Variants in PDXDC1 observed in about 807,000 individuals in gnomAD.
The protein encoded by PDXDC1 is pyridoxal dependent decarboxylase domain containing 1, also known as pyridoxal-dependent decarboxylase domain-containing protein 1.
In PDXDC1, 42 loss-of-function variants were observed where a neutral mutation model predicts 100.1. That is an observed-to-expected ratio of 0.42 (90% CI 0.33 to 0.54). The LOEUF (loss-of-function observed/expected upper bound fraction) is 0.54, where lower values mean the gene tolerates loss of function less well. Ranked by LOEUF, PDXDC1 falls within the 20% of genes least tolerant of loss-of-function variation. The probability of loss-of-function intolerance (pLI) is 0.10; values close to 1 mark genes in which losing one functional copy is unlikely to be tolerated. For synonymous variants in PDXDC1, 260 were observed against 371.7 expected (o/e 0.70, Z 3.46); for missense variants, 636 against 979.2 (o/e 0.65, Z 4.68).
At chr16:15,135,602 G>A in intron 16 of PDXDC1, 8 of 1,433,952 alleles carry the variant, frequency 5.6e-6, no homozygotes, top group African/African-American at 2.8e-5. Context: ...GGGCTCATGG[G>A]TGTGGACGGG....
chr16:15,032,274 A>G (rs1260579116), intron 17 of PDXDC1: 6 of 232,412 alleles, frequency 2.6e-5, no homozygotes, highest in Admixed American at 4.9e-5. Flanking sequence ...GTGCAGTCCT[A>G]TGGCTGCTTT....
At position 15,132,622 on chromosome 16, in the gene PDXDC1, G is replaced by A. The variant is rs1598259666; in HGVS notation, c.1400-6257G>A. On this transcript the variant is annotated intron_variant, in intron 16 of 16. Transcript: ENST00000535621. ...ATGGCATGAAGGAGCCCAGGCTGGA[G>A]GCTCAGCTCCTCGGCCAAGCTGCCC... 9.0e-6 allele frequency: 7 copies of A among 778,232 alleles called. No homozygotes were observed. The East Asian group carries it at 1.3e-4, about 15-fold the overall frequency. 48.2% of individuals were successfully genotyped at this position (778,232 alleles called of 1,614,324 possible).
chr16:15,100,322 C>A (rs1225944426), intron 16 of PDXDC1, among the ~76,000 whole-genome samples: 3 of 152,148 alleles, frequency 2.0e-5, no homozygotes, highest in Non-Finnish European at 2.9e-5. Flanking sequence ...CATTCATTAA[C>A]ACAAATGCAA....
chr16:15,036,258 C>T lies in PDXDC1; in HGVS notation c.2350C>T (p.Pro784Ser). The T allele has an allele frequency of 6.2e-7, 1 of 1,613,768 alleles. No individual in the cohort carries two copies. The highest frequency in any genetic ancestry group is 8.5e-7 in the Non-Finnish European group (1 of 1,179,778). The stretch of plus-strand genomic sequence containing the variant: ...AGATGACCACTCACAGGTAGAAGGA[C>T]CGGAGAGCTTAAGATGAGACTCATT... The part of the protein sequence containing the change: ...PEDDHSQVEG[P>S]ESLR Residue 784 changes from proline (P) to serine (S), a missense_variant, in exon 23 of 23, where the codon CCG becomes TCG. Pro to Ser is a moderately conservative substitution (Grantham distance 74, BLOSUM62 -1). Transcript: ENST00000396410.
chr16:15,012,101 A>G (rs1450381146), intron 8 of PDXDC1, among the ~76,000 whole-genome samples: 1 of 152,222 alleles, frequency 6.6e-6, no homozygotes. Context: ...GACACAAGCA[A>G]TACAATTTTT....
intron 16 of PDXDC1, 40 bp downstream of exon 16, chr16:15,030,096 G>C: frequency 1.3e-6 from 2 of 1,523,048 alleles, no homozygotes; most frequent in Non-Finnish European, 8.9e-7. Flanking sequence ...TTTTGTTCTG[G>C]GGCTGCTGGG....
the PDXDC1 span, among the ~76,000 whole-genome samples, chr16:15,150,077 G>C: frequency 1.3e-5 from 2 of 152,016 alleles, no homozygotes; most frequent in Non-Finnish European, 2.9e-5. Flanking sequence ...ACAGGCGGTG[G>C]CTCAAGCCTG....
intron 16 of PDXDC1, among the ~76,000 whole-genome samples, chr16:15,104,078 A>G (rs1291204673): frequency 2.3e-4 from 9 of 38,964 alleles, no homozygotes; most frequent in Non-Finnish European, 2.0e-4. Flanking sequence ...AGGCTGGGGC[A>G]GGAGGATTGC....
rs1966568776 is a variant in PDXDC1 at position 14,975,029 on chromosome 16, T to TC, written c.-170dup. 3.9e-6 allele frequency: 6 copies of TC among 1,531,134 alleles called. No homozygotes were observed. The highest frequency in any genetic ancestry group is 5.2e-6 in the Non-Finnish European group (6 of 1,144,462). The allele number at this position is 1,531,134 out of a possible 1,614,324, so 94.8% of individuals were successfully genotyped here. On this transcript the variant is annotated 5_prime_UTR_variant, in exon 1 of 23. Coordinates refer to ENST00000396410, the MANE Select transcript of PDXDC1 (RefSeq NM_015027.4). ...CTACGGGGCCCCGCCCCGCCGCCTC[T>TC]CAACCATCAGGTTCGGCAGCCCGCG...
intron 1 of PDXDC1, among the ~76,000 whole-genome samples, chr16:14,996,941 T>TGATCTTACCAAAGACCAAGTTGTCCA (rs1972105876): frequency 6.6e-6 from 1 of 152,294 alleles, no homozygotes; most frequent in Non-Finnish European, 1.5e-5. Context: ...TTATCATAAG[T>TGATCTTACCAAAGACCAAGTTGTCCA]GATCTTACCA....
At chr16:15,127,813 A>G (rs2047824156) in intron 16 of PDXDC1, 2 of 1,561,696 alleles carry the variant, frequency 1.3e-6, no homozygotes, top group South Asian at 2.3e-5. Flanking sequence ...CCGGTCCCAT[A>G]TGGAGAGCCA....
intron 3 of PDXDC1, among the ~76,000 whole-genome samples, chr16:14,998,870 C>T (rs532148225): frequency 3.6e-4 from 55 of 152,372 alleles, no homozygotes; most frequent in South Asian, 8.3e-4. Flanking sequence ...ACTGAAGTGT[C>T]GTTGGCTGGT....
chr16:15,096,689 T>G (rs1367687071), intron 16 of PDXDC1, among the ~76,000 whole-genome samples: 1 of 152,254 alleles, frequency 6.6e-6, no homozygotes, highest in Non-Finnish European at 1.5e-5. Context: ...CTGTTTTGTT[T>G]TGTTTTGGTT....
At chr16:14,982,793 T>G (rs1363642678) in intron 1 of PDXDC1, among the ~76,000 whole-genome samples, 1 of 152,272 alleles carries the variant, frequency 6.6e-6, no homozygotes, top group Non-Finnish European at 1.5e-5. Flanking sequence ...GTGTGTGGTG[T>G]TTGGGGAACT....
chr16:15,140,810 CCAG>C (rs1012231643), downstream of PDXDC1, among the ~76,000 whole-genome samples: 45 of 152,238 alleles, frequency 3.0e-4, no homozygotes, highest in East Asian at 1.2e-3. Context: ...CCACGCACTC[CCAG>C]TAGTGCTCCT....
chr16:15,037,970 T>G lies in PDXDC1; in HGVS notation c.*1695T>G, dbSNP rs1232689467. On this transcript the variant is annotated 3_prime_UTR_variant, in exon 23 of 23. Transcript: ENST00000396410. Reference sequence around the variant, plus strand: ...GATGTAGGATCCAGATCTGGATTCGTGCCAGCCCCACCAATGGTCTGTCAG... The same window carrying G: ...GATGTAGGATCCAGATCTGGATTCGGGCCAGCCCCACCAATGGTCTGTCAG... 2 of 1,290,532 alleles carry G rather than the reference T, an allele frequency of 1.5e-6. No individual in the cohort carries two copies. Among genetic ancestry groups the G allele is most frequent in the African/African-American group, 2.9e-5 (2 of 68,180 alleles). The allele number at this position is 1,290,532 out of a possible 1,614,324, so 79.9% of individuals were successfully genotyped here.
At chr16:14,989,982 G>T in intron 1 of PDXDC1, 2 of 1,461,120 alleles carry the variant, frequency 1.4e-6, no homozygotes, top group Non-Finnish European at 1.8e-6. Flanking sequence ...AGACGGCTCG[G>T]TGGCGCCCGG....
Position 15,128,766 on chromosome 16 carries a change from C to G in PDXDC1, c.1400-10113C>G, listed in dbSNP as rs551782541. Among the ~76,000 whole-genome samples, 283 of 152,078 alleles carry G rather than the reference C, an allele frequency of 1.9e-3. 1 individual carries two copies. Among genetic ancestry groups the G allele is most frequent in the Non-Finnish European group, 2.1e-3 (145 of 68,006 alleles). ...CATGCATAGACTGCAAAGCGTGAAG[C>G]TGTGTCACCTCCTCTCCCAGTGACA... On this transcript the variant is annotated intron_variant, in intron 16 of 16. Transcript: ENST00000535621.
chr16:15,031,872 G>C lies in PDXDC1; in HGVS notation c.1537G>C (p.Asp513His). The C allele has an allele frequency of 6.2e-7, 1 of 1,613,504 alleles. No homozygotes were observed. The highest frequency in any genetic ancestry group is 8.5e-7 in the Non-Finnish European group (1 of 1,179,714). Residue 513 changes from aspartate to histidine, a missense_variant, in exon 17 of 23, where the codon GAT becomes CAT. Asp to His is a moderately conservative substitution (Grantham distance 81). Coordinates refer to ENST00000396410, the MANE Select transcript of PDXDC1 (RefSeq NM_015027.4). ...AGCAACAGCAGGTCTCCTATATGTT[G>C]ATGACCCTAACTGGTCTGGAATAGG... Reference protein sequence around the residue: ...VEATAGLLYVDDPNWSGIGVV... With the variant: ...VEATAGLLYVHDPNWSGIGVV...
Sources: gnomAD v4.1 joint callset for allele counts (sites outside exome capture counted in the v4.1 genomes callset) on GRCh38, gnomAD v4.1.1 for gene constraint, MANE v1.5 for transcripts, NCBI Gene and HGNC (gene_info 2026-07-23, HGNC 2026-07-21) for gene names.